Variants in LRMDA observed in about 807,000 individuals in gnomAD.
LRMDA encodes the protein leucine rich melanocyte differentiation associated, also known as leucine-rich melanocyte differentiation-associated protein.
A neutral mutation model predicts 29.8 loss-of-function variants in LRMDA; 18 were observed. That is an observed-to-expected ratio of 0.60 (90% CI 0.42 to 0.90). The LOEUF (loss-of-function observed/expected upper bound fraction) is 0.90. Ranked by LOEUF, LRMDA falls within the 40% of genes least tolerant of loss-of-function variation. The pLI is 0.00. For missense variants in LRMDA, 273 were observed against 273.9 expected, an observed-to-expected ratio of 1.00 and a Z score of 0.02; for synonymous variants, 125 against 109.4, an observed-to-expected ratio of 1.14 and a Z score of -0.89.
At chr10:75,830,050 A>G (rs1386939069) in intron 2 of LRMDA, among the ~76,000 whole-genome samples, 2 of 152,238 alleles carry the variant, frequency 1.3e-5, no homozygotes, top group Non-Finnish European at 1.5e-5. Flanking sequence ...ATTTTGCAGT[A>G]TGATGGAGTG....
At chr10:75,616,277 AGCAGCAGTAG>A (rs1216247635) in intron 2 of LRMDA, among the ~76,000 whole-genome samples, 1 of 151,972 alleles carries the variant, frequency 6.6e-6, no homozygotes, top group African/African-American at 2.4e-5. Context: ...CAGCAGCAGC[AGCAGCAGTAG>A]TAGTAGTAGT....
intron 2 of LRMDA, among the ~76,000 whole-genome samples, chr10:76,002,479 G>A (rs375057775): frequency 6.6e-6 from 1 of 151,470 alleles, no homozygotes; most frequent in Admixed American, 6.6e-5. Context: ...GCAGTGGTTA[G>A]CCTCCGAACT....
chr10:76,348,061 A>G (rs1841130298), intron 6 of LRMDA, among the ~76,000 whole-genome samples: 2 of 152,192 alleles, frequency 1.3e-5, no homozygotes. Context: ...TTTTGATTTT[A>G]GATATGCTGA....
At chr10:76,361,940 AT>A (rs1841318214) in intron 6 of LRMDA, among the ~76,000 whole-genome samples, 1 of 152,206 alleles carries the variant, frequency 6.6e-6, no homozygotes, top group Admixed American at 6.6e-5. Flanking sequence ...AAGAAGTGAC[AT>A]AAGAAGTACT....
At chr10:75,771,979 A>G (rs1048774927) in intron 2 of LRMDA, among the ~76,000 whole-genome samples, 1 of 152,300 alleles carries the variant, frequency 6.6e-6, no homozygotes, top group East Asian at 1.9e-4. Flanking sequence ...AGCAACTTAC[A>G]TGGAAAGCAG....
intron 2 of LRMDA, among the ~76,000 whole-genome samples, chr10:75,668,902 C>A (rs1169250701): frequency 6.6e-6 from 1 of 152,158 alleles, no homozygotes; most frequent in Non-Finnish European, 1.5e-5. Context: ...GGACACTGCT[C>A]CCTGCCCTCA....
chr10:76,337,600 G>A (rs1489619291), intron 6 of LRMDA, among the ~76,000 whole-genome samples: 2 of 152,152 alleles, frequency 1.3e-5, no homozygotes, highest in African/African-American at 4.8e-5. Context: ...GTAATCTAGG[G>A]GGAGAGTGGT....
At chr10:76,340,715 GAGA>G (rs1446771347) in intron 6 of LRMDA, among the ~76,000 whole-genome samples, 1 of 151,984 alleles carries the variant, frequency 6.6e-6, no homozygotes, top group Non-Finnish European at 1.5e-5. Flanking sequence ...AGAACAAGCA[GAGA>G]AGGACTATTC....
At chr10:76,519,192 A>AT (rs892885633) in intron 6 of LRMDA, among the ~76,000 whole-genome samples, 68 of 151,764 alleles carry the variant, frequency 4.5e-4, no homozygotes, top group African/African-American at 1.6e-3. Context: ...CTCAAAAAAA[A>AT]TTTTTTTTTG....
chr10:75,630,075 A>T (rs1159227709), intron 2 of LRMDA, among the ~76,000 whole-genome samples: 14 of 152,248 alleles, frequency 9.2e-5, no homozygotes, highest in Non-Finnish European at 2.1e-4. Context: ...AAACAAAGGC[A>T]CTTTTTCATT....
At chr10:76,183,653 G>A (rs1181938451) in intron 5 of LRMDA, among the ~76,000 whole-genome samples, 6 of 152,230 alleles carry the variant, frequency 3.9e-5, no homozygotes, top group African/African-American at 1.4e-4. Flanking sequence ...GGTACAGAAG[G>A]AGATCTAAAT....
intron 2 of LRMDA, among the ~76,000 whole-genome samples, chr10:75,712,162 T>C (rs1842443704): frequency 6.6e-6 from 1 of 152,094 alleles, no homozygotes; most frequent in Non-Finnish European, 1.5e-5. Context: ...GGATTGAGCC[T>C]CCACCTGACT....
At chr10:75,873,941 T>C (rs1845154047) in intron 2 of LRMDA, among the ~76,000 whole-genome samples, 2 of 152,172 alleles carry the variant, frequency 1.3e-5, no homozygotes, top group South Asian at 4.1e-4. Context: ...AATGATGTGC[T>C]ACTTCTTAGG....
In LRMDA at chr10:76,355,164, G is replaced by A. The variant is rs555287570; in HGVS notation, c.601+30679G>A. 7.2e-5 allele frequency among the ~76,000 whole-genome samples: 11 copies of A among 152,242 alleles called. No homozygotes were observed. In the South Asian group the frequency reaches 2.3e-3, roughly 32 times the overall value. On this transcript the variant is annotated intron_variant, in intron 6 of 6. Transcript: ENST00000611255. ...CTTATGAGCTCATAGGAAGGATGAT[G>A]TGTTTATGAAACACATTTTACATGG...
chr10:75,703,356 T>A (rs1204531420), intron 2 of LRMDA, among the ~76,000 whole-genome samples: 4 of 152,220 alleles, frequency 2.6e-5, no homozygotes, highest in African/African-American at 4.8e-5. Context: ...ACTGCAGATC[T>A]GCCGATCTGA....
At chr10:76,056,102 C>T (rs1269410341) in intron 4 of LRMDA, among the ~76,000 whole-genome samples, 5 of 152,210 alleles carry the variant, frequency 3.3e-5, no homozygotes, top group Non-Finnish European at 5.9e-5. Context: ...CAGTACAGCT[C>T]TCAGGACAAC....
At chr10:76,015,692 G>A (rs1306879287) in intron 2 of LRMDA, among the ~76,000 whole-genome samples, 1 of 152,170 alleles carries the variant, frequency 6.6e-6, no homozygotes, top group Admixed American at 6.5e-5. Context: ...CATCTTAGAA[G>A]ATGCCTGACA....
chr10:75,914,346 T>C (rs555942355), intron 2 of LRMDA, among the ~76,000 whole-genome samples: 33 of 152,340 alleles, frequency 2.2e-4, no homozygotes, highest in African/African-American at 7.5e-4. Context: ...AATTTAAAAA[T>C]GAACCTGTGA....
intron 2 of LRMDA, among the ~76,000 whole-genome samples, chr10:75,768,321 T>A (rs1843195450): frequency 6.6e-6 from 1 of 152,194 alleles, no homozygotes; most frequent in Non-Finnish European, 1.5e-5. Context: ...TGTAGAAATG[T>A]CCTTAGTAAT....
Sources: allele counts gnomAD v4.1 joint callset (sites outside exome capture counted in the v4.1 genomes callset), GRCh38; gene constraint gnomAD v4.1.1; transcripts MANE v1.5; gene names NCBI Gene and HGNC (gene_info 2026-07-23, HGNC 2026-07-21).